The following RPL26L1 variants were observed in gnomAD, a reference collection of about 807,000 sequenced individuals.
The protein encoded by RPL26L1 is ribosomal protein L26 like 1.
A neutral mutation model predicts 15.2 loss-of-function variants in RPL26L1; 8 were observed. The observed-to-expected ratio is 0.53, with a 90% CI of 0.31 to 0.95. The LOEUF (loss-of-function observed/expected upper bound fraction) is 0.95. RPL26L1 is among the 40% of genes least tolerant of loss of function. The pLI is 0.05. For missense variants in RPL26L1, 146 were observed against 190.9 expected (o/e 0.76, Z 1.39); for synonymous variants, 51 against 65.9 (o/e 0.77, Z 1.09).
At chr5:172,957,085 A>G (rs72814121), upstream of RPL26L1, 43,892 of 427,074 alleles carry the variant, frequency 0.1, 2,996 homozygotes, top group African/African-American at 0.23. Context: ...TCCAAACCCA[A>G]GCGATTTGGG....
In RPL26L1 at chr5:172,959,466, C is replaced by A; in HGVS notation, c.-12C>A. 9.8e-7 allele frequency: 1 copy of A among 1,017,094 alleles called. No homozygotes were observed. Among genetic ancestry groups the A allele is most frequent in the South Asian group, 3.7e-5 (1 of 26,680 alleles). 63.0% of individuals were successfully genotyped at this position (1,017,094 alleles called of 1,614,324 possible). On this transcript the variant is annotated splice_region_variant and 5_prime_UTR_variant, in exon 1 of 4. Coordinates refer to ENST00000265100, the MANE Select transcript of RPL26L1 (RefSeq NM_016093.4). Reference sequence around the variant, plus strand: ...CTCAGGGTCTGAGGCAGCTAGTAGCCGGGTGAGTGGAGGCTGGAGTTTTCT... The same window carrying A: ...CTCAGGGTCTGAGGCAGCTAGTAGCAGGGTGAGTGGAGGCTGGAGTTTTCT...
At chr5:172,956,342 T>C (rs962686759), upstream of RPL26L1, among the ~76,000 whole-genome samples, 2 of 152,164 alleles carry the variant, frequency 1.3e-5, no homozygotes, top group African/African-American at 4.8e-5. Flanking sequence ...ACGGATCGCA[T>C]TATTATCTTT....
At position 172,959,487 on chromosome 5, in the gene RPL26L1, T is replaced by C. The variant is rs1175536927; in HGVS notation, c.-10+19T>C. The C allele has an allele frequency of 3.9e-6, 4 of 1,026,780 alleles. No homozygotes were observed. The highest frequency in any genetic ancestry group is 1.2e-6 in the Non-Finnish European group (1 of 851,562). The allele number at this position is 1,026,780 out of a possible 1,614,324, so 63.6% of individuals were successfully genotyped here. ...TAGCCGGGTGAGTGGAGGCTGGAGT[T>C]TTCTCGGACAGTGAACTCTACCGCC... On this transcript the variant is annotated intron_variant, in intron 1 of 3. Transcript: ENST00000265100.
At chr5:172,962,143 T>C (rs1431446519) in intron 2 of RPL26L1, among the ~76,000 whole-genome samples, 2 of 152,252 alleles carry the variant, frequency 1.3e-5, no homozygotes, top group African/African-American at 4.8e-5. Flanking sequence ...CAAGGCAGCA[T>C]TGCAGTTCCC....
At chr5:172,969,374 G>T (rs774567168) in intron 3 of RPL26L1, 39 bp from the exon 4 acceptor site, 3 of 1,604,830 alleles carry the variant, frequency 1.9e-6, no homozygotes, top group Non-Finnish European at 2.6e-6. Flanking sequence ...TAGCTGGTGG[G>T]GATGCAGAAA....
chr5:172,968,668 T>C, intron 3 of RPL26L1, 69 bp downstream of exon 3: 1 of 1,594,050 alleles, frequency 6.3e-7, no homozygotes, highest in African/African-American at 1.3e-5. Context: ...TTATTGGTGT[T>C]TTGGTACTCC....
chr5:172,969,106 G>A (rs1441130934), intron 3 of RPL26L1, among the ~76,000 whole-genome samples: 3 of 151,988 alleles, frequency 2.0e-5, no homozygotes, highest in African/African-American at 4.8e-5. Flanking sequence ...ATGGCCGGCC[G>A]ATGGCTGTGT....
chr5:172,961,973 T>C (rs893255828), intron 2 of RPL26L1, among the ~76,000 whole-genome samples: 1 of 152,204 alleles, frequency 6.6e-6, no homozygotes, highest in African/African-American at 2.4e-5. Context: ...ACTCCCATCT[T>C]CCACATCTCC....
intron 2 of RPL26L1, among the ~76,000 whole-genome samples, chr5:172,967,187 G>C (rs1221958629): frequency 6.6e-6 from 1 of 151,716 alleles, no homozygotes; most frequent in East Asian, 2.0e-4. Flanking sequence ...TCTTGTGGCT[G>C]GGCATGGTGG....
At chr5:172,954,326 G>A (rs1034930172), upstream of RPL26L1, among the ~76,000 whole-genome samples, 5 of 152,078 alleles carry the variant, frequency 3.3e-5, no homozygotes, top group East Asian at 1.9e-4. Context: ...TCCCAGCACC[G>A]GGAGGCTGAG....
upstream of RPL26L1, chr5:172,955,143 T>G (rs1764329460): frequency 5.4e-6 from 2 of 372,362 alleles, no homozygotes; most frequent in African/African-American, 4.4e-5. Flanking sequence ...TTTTTTTTTT[T>G]TTTTTTTTTT....
chr5:172,957,103 G>A, upstream of RPL26L1: 1 of 444,990 alleles, frequency 2.2e-6, no homozygotes, highest in Non-Finnish European at 4.5e-6. Context: ...GGGTGCCAGG[G>A]CTCAAGCACT....
At chr5:172,954,900 C>G (rs1764321635), upstream of RPL26L1, 1 of 455,910 alleles carries the variant, frequency 2.2e-6, no homozygotes, top group Non-Finnish European at 4.4e-6. Context: ...GATTACAGAG[C>G]AAAACCCTCC....
At chr5:172,959,729 C>A in intron 1 of RPL26L1, 136 bp from the exon 2 acceptor site, 1 of 1,155,452 alleles carries the variant, frequency 8.7e-7, no homozygotes. Context: ...ATCTCTCTGT[C>A]CTCCCTCAGT....
At chr5:172,959,349 G>A, upstream of RPL26L1, 1 of 1,001,452 alleles carries the variant, frequency 1.0e-6, no homozygotes, top group Non-Finnish European at 1.2e-6. Context: ...CCAAGCCGCT[G>A]GGGGCGCCAT....
upstream of RPL26L1, chr5:172,957,262 C>T: frequency 2.2e-6 from 1 of 456,286 alleles, no homozygotes; most frequent in Admixed American, 2.3e-5. Flanking sequence ...CAGCCTCCAG[C>T]TCTTGTCATC....
Position 172,968,529 on chromosome 5 carries a change from T to C in RPL26L1, c.239T>C (p.Ile80Thr), listed in dbSNP as rs1755560207. The stretch of plus-strand genomic sequence containing the variant: ...CAGGTGTACAGAAAGAAATATGTCA[T>C]CTACATCGAGCGGGTGCAGCGTGAG... ...VVQVYRKKYV[I>T]YIERVQREKA... Residue 80 changes from isoleucine (I) to threonine (T), a missense_variant, in exon 3 of 4, where the codon ATC becomes ACC. Physicochemically the swap from Ile to Thr is moderately conservative, Grantham distance 89. Transcript: ENST00000265100. The C allele has an allele frequency of 6.2e-7, 1 of 1,614,146 alleles. No individual in the cohort carries two copies. The highest frequency in any genetic ancestry group is 8.5e-7 in the Non-Finnish European group (1 of 1,180,018).
At chr5:172,954,896 A>G (rs1332995665), upstream of RPL26L1, 2 of 455,558 alleles carry the variant, frequency 4.4e-6, no homozygotes, top group African/African-American at 4.0e-5. Context: ...TCAGGATTAC[A>G]GAGCAAAACC....
upstream of RPL26L1, chr5:172,958,597 C>T (rs1755077422): frequency 5.7e-6 from 2 of 352,442 alleles, no homozygotes; most frequent in East Asian, 7.5e-5. Flanking sequence ...ACGGAGGGGG[C>T]GTGGTTGATC....
Sources: allele counts gnomAD v4.1 joint callset (sites outside exome capture counted in the v4.1 genomes callset), GRCh38; gene constraint gnomAD v4.1.1; transcripts MANE v1.5; gene names NCBI Gene and HGNC (gene_info 2026-07-23, HGNC 2026-07-21).